Variants in DOCK1 observed in about 807,000 individuals in gnomAD.
The protein encoded by DOCK1 is dedicator of cytokinesis protein 1.
A neutral mutation model predicts 262.7 loss-of-function variants in DOCK1; 138 were observed. The ratio of observed to expected loss-of-function variants is 0.53; its 90% CI spans 0.46 to 0.61. The LOEUF (loss-of-function observed/expected upper bound fraction) is 0.61. DOCK1 is among the 20% of genes least tolerant of loss of function. The probability of loss-of-function intolerance (pLI) is 0.00; values close to 1 mark genes in which losing one functional copy is unlikely to be tolerated. For synonymous variants in DOCK1, 866 were observed against 867.4 expected (o/e 1.00, Z 0.03); for missense variants, 1,908 against 2,370.7 (o/e 0.80, Z 4.05).
At chr10:127,072,703 T>C (rs57533014) in intron 23 of DOCK1, among the ~76,000 whole-genome samples, 2,175 of 152,270 alleles carry the variant, frequency 0.014, 65 homozygotes, top group African/African-American at 0.049. Flanking sequence ...TCCTAATCCC[T>C]TCTGTTCGTG....
intron 27 of DOCK1, among the ~76,000 whole-genome samples, chr10:127,155,578 C>G (rs1275856141): frequency 6.6e-6 from 1 of 152,128 alleles, no homozygotes; most frequent in African/African-American, 2.4e-5. Flanking sequence ...TTATCCCCTC[C>G]CCTTGTTCCT....
chr10:126,947,467 T>G (rs1470776892), intron 1 of DOCK1, among the ~76,000 whole-genome samples: 1 of 134,152 alleles, frequency 7.5e-6, no homozygotes, highest in East Asian at 2.8e-4. Context: ...GTTGGTAGTA[T>G]TACTGTTGGT....
intron 32 of DOCK1, among the ~76,000 whole-genome samples, chr10:127,360,618 G>A (rs57320007): frequency 0.015 from 2,339 of 152,264 alleles, 63 homozygotes; most frequent in African/African-American, 0.053. Context: ...ATAAAACGAT[G>A]GAAAATGACA....
chr10:126,981,876 C>T (rs2039004706), intron 3 of DOCK1, 42 bp from the exon 4 acceptor site: 1 of 1,589,860 alleles, frequency 6.3e-7, no homozygotes, highest in African/African-American at 1.4e-5. Flanking sequence ...TTCAGCAATC[C>T]TATTGATAAT....
At chr10:126,961,655 C>T (rs971221843) in intron 1 of DOCK1, among the ~76,000 whole-genome samples, 150 of 152,304 alleles carry the variant, frequency 9.8e-4, no homozygotes, top group Middle Eastern at 3.4e-3. Context: ...AAGGTTCACC[C>T]GTGTTGTAAT....
At chr10:127,110,060 G>A (rs1156709778) in intron 24 of DOCK1, among the ~76,000 whole-genome samples, 188 bp from the exon 25 acceptor site, 1 of 152,150 alleles carries the variant, frequency 6.6e-6, no homozygotes, top group African/African-American at 2.4e-5. Flanking sequence ...TGATTGTGAA[G>A]TGAAAACGAA....
chr10:127,401,061 C>T (rs993226481), intron 38 of DOCK1, among the ~76,000 whole-genome samples: 1 of 152,096 alleles, frequency 6.6e-6, no homozygotes, highest in Non-Finnish European at 1.5e-5. Flanking sequence ...TCTACCCAGA[C>T]CACCAGCCCC....
chr10:127,398,878 T>G (rs1452122363), intron 38 of DOCK1, among the ~76,000 whole-genome samples: 1 of 152,210 alleles, frequency 6.6e-6, no homozygotes, highest in African/African-American at 2.4e-5. Flanking sequence ...ATCAGAATTG[T>G]CAACATCACC....
chr10:127,418,657 G>A, intron 45 of DOCK1, 116 bp downstream of exon 45: 1 of 1,312,890 alleles, frequency 7.6e-7, no homozygotes, highest in South Asian at 1.6e-5. Flanking sequence ...AATCTCAGCA[G>A]TGGCCCAGCC....
intron 1 of DOCK1, among the ~76,000 whole-genome samples, chr10:126,914,439 A>G (rs537863992): frequency 6.6e-6 from 1 of 152,138 alleles, no homozygotes; most frequent in Non-Finnish European, 1.5e-5. Context: ...CTCTTGGTCT[A>G]CTGGCCAGAC....
chr10:127,321,046 T>A (rs1248658613), intron 29 of DOCK1, among the ~76,000 whole-genome samples: 1 of 152,110 alleles, frequency 6.6e-6, no homozygotes, highest in Non-Finnish European at 1.5e-5. Flanking sequence ...ATCAATGGTG[T>A]CCTCATCAAT....
chr10:127,372,420 C>T (rs2065256646), intron 33 of DOCK1, among the ~76,000 whole-genome samples: 1 of 152,214 alleles, frequency 6.6e-6, no homozygotes. Context: ...GCCAAGAATG[C>T]AGGTTGTGAT....
At chr10:127,267,666 G>A (rs906505672) in intron 29 of DOCK1, among the ~76,000 whole-genome samples, 2 of 152,204 alleles carry the variant, frequency 1.3e-5, no homozygotes, top group Non-Finnish European at 2.9e-5. Flanking sequence ...GCCGCATCCC[G>A]CTGGCACTTA....
chr10:127,235,788 G>GC (rs1452005646), intron 27 of DOCK1, among the ~76,000 whole-genome samples: 79 of 149,450 alleles, frequency 5.3e-4, no homozygotes, highest in African/African-American at 1.9e-3. Flanking sequence ...TGTGGTGGTT[G>GC]TTTTTTTTTT....
intron 27 of DOCK1, among the ~76,000 whole-genome samples, chr10:127,190,248 G>C (rs928899749): frequency 5.3e-5 from 8 of 152,194 alleles, no homozygotes; most frequent in African/African-American, 1.9e-4. Context: ...ACCCTTTGGT[G>C]CTTTTTTCTT....
intron 29 of DOCK1, among the ~76,000 whole-genome samples, chr10:127,337,574 C>T (rs754987995): frequency 6.6e-6 from 1 of 152,172 alleles, no homozygotes; most frequent in Non-Finnish European, 1.5e-5. Flanking sequence ...AACCCTGCGG[C>T]TGAGGAATGT....
intron 38 of DOCK1, among the ~76,000 whole-genome samples, chr10:127,385,662 A>G (rs2066069456): frequency 6.6e-6 from 1 of 152,226 alleles, no homozygotes; most frequent in African/African-American, 2.4e-5. Flanking sequence ...ATGTATTCTC[A>G]TAGCTTAGTG....
intron 31 of DOCK1, among the ~76,000 whole-genome samples, chr10:127,346,224 G>A (rs138556029): frequency 7.9e-5 from 12 of 152,204 alleles, no homozygotes; most frequent in Non-Finnish European, 1.6e-4. Flanking sequence ...CGAGCACCCC[G>A]CAAGCCCCAG....
At chr10:127,048,675 G>A (rs1011740669) in intron 21 of DOCK1, among the ~76,000 whole-genome samples, 5 of 152,176 alleles carry the variant, frequency 3.3e-5, no homozygotes, top group African/African-American at 7.2e-5. Flanking sequence ...AATTACTTCC[G>A]CAGTTGTGCC....
Sources: gnomAD v4.1 joint callset for allele counts (sites outside exome capture counted in the v4.1 genomes callset) on GRCh38, gnomAD v4.1.1 for gene constraint, MANE v1.5 for transcripts, NCBI Gene and HGNC (gene_info 2026-07-23, HGNC 2026-07-21) for gene names.